The following ELF2 variants were observed in gnomAD, a reference collection of about 807,000 sequenced individuals.
The protein encoded by ELF2 is ETS-related transcription factor Elf-2.
A neutral mutation model predicts 54.8 loss-of-function variants in ELF2; 11 were observed. That is an observed-to-expected ratio of 0.20 (90% CI 0.13 to 0.33). The LOEUF (loss-of-function observed/expected upper bound fraction) is 0.33. Among genes scored for constraint, ELF2 ranks in the 10% least tolerant of loss-of-function variants. ELF2 has a pLI of 1.00. For synonymous variants in ELF2, 203 were observed against 245.1 expected (o/e 0.83, Z 1.61); for missense variants, 513 against 703.0 (o/e 0.73, Z 3.06).
At chr4:139,079,636 G>C (rs1331399020) in intron 4 of ELF2, among the ~76,000 whole-genome samples, 1 of 150,990 alleles carries the variant, frequency 6.6e-6, no homozygotes, top group Non-Finnish European at 1.5e-5. Context: ...TCTAGCCTAG[G>C]AGCTGTGGCT....
chr4:139,174,472 T>C (rs181344350), intron 1 of ELF2, among the ~76,000 whole-genome samples: 8 of 152,164 alleles, frequency 5.3e-5, no homozygotes, highest in African/African-American at 1.9e-4. Context: ...GGGGCTCTTT[T>C]GGGGGATGAT....
chr4:139,132,678 T>G (rs1737615142), intron 3 of ELF2, among the ~76,000 whole-genome samples: 1 of 152,018 alleles, frequency 6.6e-6, no homozygotes, highest in South Asian at 2.1e-4. Context: ...TCCATTTGCC[T>G]GTCTTCATAT....
chr4:139,156,191 C>T (rs575217282), intron 1 of ELF2, among the ~76,000 whole-genome samples: 2 of 151,194 alleles, frequency 1.3e-5, no homozygotes, highest in Admixed American at 1.3e-4. Context: ...GGGGAGTCGT[C>T]GGGGGACGGA....
At chr4:139,169,749 C>A (rs1001410949) in intron 1 of ELF2, among the ~76,000 whole-genome samples, 2 of 150,024 alleles carry the variant, frequency 1.3e-5, no homozygotes, top group East Asian at 4.0e-4. Flanking sequence ...CCCAGCTACT[C>A]GGGAGGCTGA....
At position 139,177,198 on chromosome 4, in the gene ELF2, G is replaced by A. The variant is rs1167401963; in HGVS notation, c.-483C>T. The A allele has an allele frequency of 2.0e-5, 3 of 150,882 alleles. No homozygotes were observed. The highest frequency in any genetic ancestry group is 1.3e-4 in the Admixed American group (2 of 15,210). The allele number at this position is 150,882 out of a possible 1,614,324, so 9.3% of individuals were successfully genotyped here. A position where few individuals can be genotyped will look rare whatever the true frequency, so the allele number is the denominator to read the frequency against. ...CCGCCTAGGCGACGGCGGCGACACAGAGCTTGGCGCTGGGAGCAATGGTTG... is the reference window on the plus strand; with the variant it reads ...CCGCCTAGGCGACGGCGGCGACACAAAGCTTGGCGCTGGGAGCAATGGTTG... On this transcript the variant is annotated 5_prime_UTR_variant, in exon 1 of 10. Coordinates refer to ENST00000686138, the MANE Select transcript of ELF2 (RefSeq NM_001331036.3).
At chr4:139,090,288 TG>T (rs1378766663) in intron 4 of ELF2, among the ~76,000 whole-genome samples, 2 of 152,198 alleles carry the variant, frequency 1.3e-5, no homozygotes, top group African/African-American at 4.8e-5. Context: ...TCCAGTGGTT[TG>T]GCAGAGTTAC....
chr4:139,075,310 A>T (rs1365755013), intron 4 of ELF2, among the ~76,000 whole-genome samples: 1 of 152,214 alleles, frequency 6.6e-6, no homozygotes, highest in Non-Finnish European at 1.5e-5. Flanking sequence ...CAAGAATATG[A>T]TAATTTCTTA....
In ELF2 at chr4:139,171,606, AAAC is replaced by A. The variant is rs1469910699; in HGVS notation, c.-252+5358_-252+5360del. On this transcript the variant is annotated intron_variant, in intron 1 of 9. Coordinates refer to ENST00000686138, the MANE Select transcript of ELF2 (RefSeq NM_001331036.3). The stretch of plus-strand genomic sequence containing the variant: ...TCCACTAAACAGTACACAGAGAAAA[AAAC>A]AAAAAAAAAAACACAACAAATTAAC... Among the ~76,000 whole-genome samples, 6 of 128,658 alleles carry A rather than the reference AAAC, an allele frequency of 4.7e-5. No homozygotes were observed. In the East Asian group the frequency reaches 1.0e-3, roughly 22 times the overall value. 84.4% of individuals were successfully genotyped at this position (128,658 alleles called of 152,430 possible).
intron 1 of ELF2, among the ~76,000 whole-genome samples, chr4:139,141,513 G>T (rs1738697786): frequency 6.6e-6 from 1 of 152,192 alleles, no homozygotes; most frequent in South Asian, 2.1e-4. Flanking sequence ...GTCAAGAGAG[G>T]AAAGAATCAG....
At chr4:139,083,590 C>T (rs1386995855) in intron 4 of ELF2, among the ~76,000 whole-genome samples, 1 of 152,186 alleles carries the variant, frequency 6.6e-6, no homozygotes, top group Non-Finnish European at 1.5e-5. Context: ...CGGACATCGC[C>T]CCTGGCTGCC....
chr4:139,137,706 A>G lies in ELF2; in HGVS notation c.-5T>C, dbSNP rs775899402. On this transcript the variant is annotated 5_prime_UTR_variant, in exon 3 of 10. Transcript: ENST00000686138. ...GTCAACCACTGCTGATGTCATTGTT[A>G]TTCCCTGAGGAAGCTTCAAACGCTA... 1 of 1,613,918 alleles carries G rather than the reference A, an allele frequency of 6.2e-7. No homozygotes were observed. Among genetic ancestry groups the G allele is most frequent in the Non-Finnish European group, 8.5e-7 (1 of 1,179,980 alleles).
intron 4 of ELF2, among the ~76,000 whole-genome samples, chr4:139,124,506 C>T (rs1736708555): frequency 6.6e-6 from 1 of 151,866 alleles, no homozygotes; most frequent in Non-Finnish European, 1.5e-5. Context: ...AAAGATGATA[C>T]ATTTGCATGT....
intron 1 of ELF2, among the ~76,000 whole-genome samples, chr4:139,170,243 A>C (rs1742140290): frequency 6.7e-6 from 1 of 149,248 alleles, no homozygotes. Flanking sequence ...ATTACACTTT[A>C]AAAGATCTTA....
chr4:139,161,652 TAAAAAAAAAAAA>T (rs57452146), intron 1 of ELF2, among the ~76,000 whole-genome samples: 347 of 70,030 alleles, frequency 5.0e-3, no homozygotes, highest in African/African-American at 0.016. Context: ...TAAAACTGTT[TAAAAAAAAAAAA>T]AAAAAAAAAA....
At chr4:139,071,158 T>C (rs1729456522) in intron 6 of ELF2, among the ~76,000 whole-genome samples, 1 of 152,122 alleles carries the variant, frequency 6.6e-6, no homozygotes, top group South Asian at 2.1e-4. Context: ...CTGGTGAGTT[T>C]AGGTCAATCA....
chr4:139,137,740 T>C lies in ELF2; in HGVS notation c.-39A>G. Reference sequence around the variant, plus strand: ...GGAAGCTTCAAACGCTATTAATCAATGAAATTAAAGGTTCACTGATGGTTG... The same window carrying C: ...GGAAGCTTCAAACGCTATTAATCAACGAAATTAAAGGTTCACTGATGGTTG... On this transcript the variant is annotated 5_prime_UTR_variant, in exon 3 of 10. Coordinates refer to ENST00000686138, the MANE Select transcript of ELF2 (RefSeq NM_001331036.3). 1 of 1,611,432 alleles carries C rather than the reference T, an allele frequency of 6.2e-7. No individual in the cohort carries two copies. The highest frequency in any genetic ancestry group is 8.5e-7 in the Non-Finnish European group (1 of 1,179,338).
At chr4:139,169,376 A>G (rs1249108641) in intron 1 of ELF2, among the ~76,000 whole-genome samples, 3 of 151,834 alleles carry the variant, frequency 2.0e-5, no homozygotes, top group East Asian at 3.9e-4. Context: ...ACTATCACAA[A>G]AAAACTCATA....
intron 1 of ELF2, 90 bp downstream of exon 1, chr4:139,176,877 G>C (rs538297185): frequency 6.6e-6 from 1 of 151,662 alleles, no homozygotes; most frequent in African/African-American, 2.4e-5. Flanking sequence ...GCGGGGGCGC[G>C]GAGGGAGGCG....
At chr4:139,119,424 TGA>T (rs1290347871) in intron 4 of ELF2, among the ~76,000 whole-genome samples, 2 of 152,224 alleles carry the variant, frequency 1.3e-5, no homozygotes, top group Non-Finnish European at 2.9e-5. Context: ...GGCTTCAGAC[TGA>T]GTTTGGTCAA....
Sources: allele counts gnomAD v4.1 joint callset (sites outside exome capture counted in the v4.1 genomes callset), GRCh38; gene constraint gnomAD v4.1.1; transcripts MANE v1.5; gene names NCBI Gene and HGNC (gene_info 2026-07-23, HGNC 2026-07-21).